The following MREG variants were observed in gnomAD, a reference collection of about 807,000 sequenced individuals.
MREG encodes melanoregulin.
MREG carries 31 observed loss-of-function variants against 28.5 expected under a neutral mutation model. The ratio of observed to expected loss-of-function variants is 1.09; its 90% confidence interval spans 0.82 to 1.47. MREG has a LOEUF of 1.47. Among genes scored for constraint, MREG ranks in the 40% most tolerant of loss-of-function variants. The pLI, the probability that MREG is intolerant of heterozygous loss-of-function variation, is 0.00. For synonymous variants in MREG, 106 were observed against 95.2 expected, an observed-to-expected ratio of 1.11 and a Z score of -0.66; for missense variants, 256 against 257.4, an observed-to-expected ratio of 0.99 and a Z score of 0.04.
intron 1 of MREG, among the ~76,000 whole-genome samples, chr2:216,002,472 C>T (rs1694042824): frequency 6.6e-6 from 1 of 152,222 alleles, no homozygotes; most frequent in African/African-American, 2.4e-5. Flanking sequence ...AGTGACTTTA[C>T]TGCTCTCCCC....
intron 1 of MREG, among the ~76,000 whole-genome samples, chr2:216,005,206 T>C (rs1694116262): frequency 6.6e-6 from 1 of 152,002 alleles, no homozygotes; most frequent in South Asian, 2.1e-4. Context: ...CAAGGCTACA[T>C]ACAACAACAC....
At position 215,944,624 on chromosome 2, in the gene MREG, A is replaced by T; in HGVS notation, c.*239T>A. Reference sequence around the variant, plus strand: ...TGGAACCACCCATTATGAACTATCCATCTGACCAACTCTTTAACTTTCTTC... The same window carrying T: ...TGGAACCACCCATTATGAACTATCCTTCTGACCAACTCTTTAACTTTCTTC... On this transcript the variant is annotated 3_prime_UTR_variant, in exon 5 of 5. Transcript: ENST00000263268. 2.8e-6 allele frequency: 1 copy of T among 351,386 alleles called. No individual in the cohort carries two copies. Among genetic ancestry groups the T allele is most frequent in the East Asian group, 4.2e-5 (1 of 23,996 alleles). 21.8% of individuals were successfully genotyped at this position (351,386 alleles called of 1,614,324 possible).
At chr2:216,015,830 T>C (rs1286628992), upstream of MREG, among the ~76,000 whole-genome samples, 2 of 152,102 alleles carry the variant, frequency 1.3e-5, no homozygotes, top group Non-Finnish European at 2.9e-5. Flanking sequence ...GTCCCAAGTT[T>C]TGGATTTATA....
chr2:215,990,945 G>A (rs188788783), intron 2 of MREG, among the ~76,000 whole-genome samples: 301 of 152,124 alleles, frequency 2.0e-3, no homozygotes, highest in African/African-American at 6.6e-3. Context: ...CAATAATAGC[G>A]GGAGACTTTA....
intron 1 of MREG, among the ~76,000 whole-genome samples, chr2:216,031,475 G>GAGAAAGAA (rs71047962): frequency 1.5e-5 from 2 of 132,816 alleles, no homozygotes; most frequent in African/African-American, 6.0e-5. Flanking sequence ...AAGAAAGAAA[G>GAGAAAGAA]AGAAAGAAAG....
intron 1 of MREG, among the ~76,000 whole-genome samples, chr2:216,008,517 T>C (rs1286106146): frequency 6.6e-6 from 1 of 152,250 alleles, no homozygotes; most frequent in African/African-American, 2.4e-5. Flanking sequence ...CTTCCAAATC[T>C]GTTTTGCTCC....
At chr2:216,033,310 T>C (rs1694739180), upstream of MREG, among the ~76,000 whole-genome samples, 1 of 152,158 alleles carries the variant, frequency 6.6e-6, no homozygotes, top group African/African-American at 2.4e-5. Context: ...ACAACTGCCA[T>C]GCCATTATCA....
chr2:215,968,155 T>C (rs1007062189), intron 2 of MREG, among the ~76,000 whole-genome samples: 1 of 152,010 alleles, frequency 6.6e-6, no homozygotes, highest in Admixed American at 6.6e-5. Flanking sequence ...AGAGGTTGAG[T>C]GGTCAGCCAA....
chr2:216,031,859 AC>A (rs1490529112), intron 1 of MREG, among the ~76,000 whole-genome samples: 1 of 152,180 alleles, frequency 6.6e-6, no homozygotes. Flanking sequence ...AGTCTTACCT[AC>A]CTGAGGACTT....
chr2:215,947,980 G>C (rs1186706318), intron 2 of MREG, among the ~76,000 whole-genome samples: 1 of 152,104 alleles, frequency 6.6e-6, no homozygotes, highest in South Asian at 2.1e-4. Flanking sequence ...TCATTTTATA[G>C]AGTATACCTT....
At chr2:215,978,025 TAAAATC>T (rs1693306116) in intron 2 of MREG, among the ~76,000 whole-genome samples, 1 of 151,862 alleles carries the variant, frequency 6.6e-6, no homozygotes, top group African/African-American at 2.4e-5. Context: ...AGAAATCACT[TAAAATC>T]AGAGCAGAAT....
chr2:215,959,033 A>C (rs1203381389), intron 2 of MREG, among the ~76,000 whole-genome samples: 1 of 151,874 alleles, frequency 6.6e-6, no homozygotes, highest in East Asian at 1.9e-4. Flanking sequence ...GCTGCCTCTA[A>C]AGCACATCCT....
Position 215,996,342 on chromosome 2 carries a change from C to G in MREG, c.219G>C (p.Leu73Phe). ...TGGCCTGCTGATTACGAATGACTAT[C>G]AAATTGTACAGGGTTCTGTCGTCGT... ...EADDDRTLYN[L>F]IVIRNQQAKD... is the part of the protein sequence containing the mutation. Residue 73 changes from leucine (L) to phenylalanine (F), a missense_variant, in exon 2 of 5, where the codon TTG (leucine) becomes TTC (phenylalanine). Transcript: ENST00000263268. 1 of 1,613,908 alleles carries G rather than the reference C, an allele frequency of 6.2e-7. No homozygotes were observed. Among genetic ancestry groups the G allele is most frequent in the Non-Finnish European group, 8.5e-7 (1 of 1,179,856 alleles).
chr2:215,981,929 T>C (rs77635016), intron 2 of MREG, among the ~76,000 whole-genome samples: 1,674 of 152,310 alleles, frequency 0.011, 29 homozygotes, highest in African/African-American at 0.038. Flanking sequence ...TCCTGCAGAA[T>C]TGCTAATGAT....
chr2:216,010,001 C>A (rs536132676), intron 1 of MREG, among the ~76,000 whole-genome samples: 41 of 152,160 alleles, frequency 2.7e-4, no homozygotes, highest in Non-Finnish European at 5.4e-4. Context: ...AGTCCTAATC[C>A]CCAGTCACTA....
downstream of MREG, among the ~76,000 whole-genome samples, chr2:215,941,490 C>T (rs1047214215): frequency 2.0e-5 from 3 of 152,176 alleles, no homozygotes; most frequent in Admixed American, 6.5e-5. Flanking sequence ...TGTGTCTCAG[C>T]GCCCTCAGAT....
At chr2:216,024,972 G>C (rs1418501547) in intron 1 of MREG, among the ~76,000 whole-genome samples, 1 of 143,814 alleles carries the variant, frequency 7.0e-6, no homozygotes, top group African/African-American at 2.6e-5. Context: ...GGAAAGGAAA[G>C]GAAAAAGGAA....
chr2:216,015,172 CGTGT>C (rs574443380), upstream of MREG, among the ~76,000 whole-genome samples: 52 of 151,912 alleles, frequency 3.4e-4, 1 homozygote, highest in South Asian at 8.3e-3. Context: ...CGCGCGCGTG[CGTGT>C]GTGTTCGTGT....
At chr2:215,961,258 C>G (rs1176245966) in intron 2 of MREG, among the ~76,000 whole-genome samples, 1 of 152,156 alleles carries the variant, frequency 6.6e-6, no homozygotes, top group African/African-American at 2.4e-5. Context: ...TGGAGCACTC[C>G]CTTTAAGAAA....
Sources: allele counts gnomAD v4.1 joint callset (sites outside exome capture counted in the v4.1 genomes callset), GRCh38; gene constraint gnomAD v4.1.1; transcripts MANE v1.5; gene names NCBI Gene and HGNC (gene_info 2026-07-23, HGNC 2026-07-21).